Variants in KLRG1 observed in about 807,000 individuals in gnomAD.
The protein encoded by KLRG1 is killer cell lectin-like receptor subfamily G member 1.
Under a neutral mutation model 21.8 loss-of-function variants are expected in KLRG1, and 16 were observed. That is an observed-to-expected ratio of 0.73 (90% confidence interval 0.50 to 1.11). The LOEUF (loss-of-function observed/expected upper bound fraction) is 1.11, where lower values mean the gene tolerates loss of function less well. KLRG1 is among the 50% of genes most tolerant of loss of function. The probability of loss-of-function intolerance (pLI) is 0.00; values close to 1 mark genes in which losing one functional copy is unlikely to be tolerated. For synonymous variants in KLRG1, 69 were observed against 75.9 expected, an observed-to-expected ratio of 0.91 and a Z score of 0.47; for missense variants, 173 against 218.3, an observed-to-expected ratio of 0.79 and a Z score of 1.31.
chr12:9,014,738 A>T (rs1422581152), downstream of KLRG1, among the ~76,000 whole-genome samples: 1 of 152,170 alleles, frequency 6.6e-6, no homozygotes, highest in Non-Finnish European at 1.5e-5. Context: ...GTGGTGCATA[A>T]ACTACTCATA....
At chr12:9,129,773 C>G in the KLRG1 span, among the ~76,000 whole-genome samples, 1 of 152,284 alleles carries the variant, frequency 6.6e-6, no homozygotes, top group African/African-American at 2.4e-5. Flanking sequence ...TGGTCTAGAT[C>G]TCCTGACCTT....
the KLRG1 span, among the ~76,000 whole-genome samples, chr12:9,060,632 AAAAACAAAAAAACG>A: frequency 3.9e-5 from 6 of 152,304 alleles, no homozygotes; most frequent in South Asian, 1.2e-3. Context: ...CTCCATCTCA[AAAAACAAAAAAACG>A]AAAACAAAAA....
chr12:9,174,863 T>C, the KLRG1 span, among the ~76,000 whole-genome samples: 1 of 152,214 alleles, frequency 6.6e-6, no homozygotes, highest in African/African-American at 2.4e-5. Context: ...GAAGAATCAG[T>C]GTAATGACAA....
At chr12:9,111,248 G>T in the KLRG1 span, among the ~76,000 whole-genome samples, 1 of 152,140 alleles carries the variant, frequency 6.6e-6, no homozygotes, top group Non-Finnish European at 1.5e-5. Flanking sequence ...ACGCACAAAA[G>T]AACAATAAAC....
chr12:9,195,744 A>G, the KLRG1 span, among the ~76,000 whole-genome samples: 1 of 150,418 alleles, frequency 6.6e-6, no homozygotes, highest in Admixed American at 6.7e-5. Context: ...ATGAGCCACT[A>G]TGCCTGGCCA....
the KLRG1 span, among the ~76,000 whole-genome samples, chr12:9,120,885 A>AT: frequency 4.0e-3 from 203 of 50,566 alleles, 1 homozygote; most frequent in Non-Finnish European, 7.1e-3. Flanking sequence ...GTGTGTGTGT[A>AT]TTTTTTTTTT....
chr12:9,196,543 A>T, the KLRG1 span: 2 of 1,576,498 alleles, frequency 1.3e-6, no homozygotes, highest in African/African-American at 2.7e-5. Context: ...CTATTGTTTT[A>T]TTTCCCATAT....
the KLRG1 span, chr12:9,203,913 T>A: frequency 6.2e-7 from 1 of 1,614,026 alleles, no homozygotes. Flanking sequence ...CTTAGGGGCC[T>A]CAGTGTGGAG....
the KLRG1 span, among the ~76,000 whole-genome samples, chr12:9,075,152 T>C: frequency 6.6e-6 from 1 of 152,230 alleles, no homozygotes; most frequent in East Asian, 1.9e-4. Context: ...TTTATCAGTT[T>C]CTTGTGAGGA....
chr12:9,114,868 AC>A, the KLRG1 span, among the ~76,000 whole-genome samples: 2 of 152,184 alleles, frequency 1.3e-5, no homozygotes, highest in Non-Finnish European at 2.9e-5. Flanking sequence ...CTTGTATATA[AC>A]TGATCAAAAC....
intron 4 of KLRG1, among the ~76,000 whole-genome samples, 162 bp downstream of exon 4, chr12:9,009,237 C>CAAAAA (rs112576720): frequency 0.022 from 2,379 of 107,750 alleles, 83 homozygotes; most frequent in African/African-American, 0.075. Context: ...TGGGTAAGGG[C>CAAAAA]AAAAAAAAAA....
intron 1 of KLRG1, among the ~76,000 whole-genome samples, chr12:8,953,936 G>A (rs909748722): frequency 1.3e-5 from 2 of 152,204 alleles, no homozygotes; most frequent in African/African-American, 2.4e-5. Context: ...AGGGGAGGGT[G>A]TGTTTCCTAC....
the KLRG1 span, chr12:9,162,635 TC>T: frequency 6.3e-7 from 1 of 1,593,694 alleles, no homozygotes; most frequent in Non-Finnish European, 8.6e-7. Flanking sequence ...CTTTTCTTGC[TC>T]AATACCTTCA....
At chr12:9,031,275 G>C in the KLRG1 span, among the ~76,000 whole-genome samples, 1 of 152,142 alleles carries the variant, frequency 6.6e-6, no homozygotes, top group African/African-American at 2.4e-5. Flanking sequence ...ATAAATTTTA[G>C]GAGAAAAAGC....
the KLRG1 span, among the ~76,000 whole-genome samples, chr12:9,107,943 AC>A: frequency 1.3e-5 from 2 of 151,980 alleles, no homozygotes; most frequent in Non-Finnish European, 2.9e-5. Context: ...TAAAAGAGAA[AC>A]AATACCAGCA....
chr12:8,956,798 G>A (rs931411338), intron 1 of KLRG1, among the ~76,000 whole-genome samples: 1 of 152,186 alleles, frequency 6.6e-6, no homozygotes, highest in African/African-American at 2.4e-5. Flanking sequence ...ACGCCACTGC[G>A]TTCCCTTCGT....
the KLRG1 span, chr12:9,074,493 T>C: frequency 6.9e-7 from 1 of 1,451,142 alleles, no homozygotes; most frequent in Non-Finnish European, 9.4e-7. Context: ...TGGATGTGTT[T>C]GTTTCTTTTT....
At chr12:9,120,855 G>A in the KLRG1 span, among the ~76,000 whole-genome samples, 2,330 of 141,862 alleles carry the variant, frequency 0.016, 59 homozygotes, top group African/African-American at 0.058. Context: ...CCACTAACGT[G>A]TGTGTGTGTG....
the KLRG1 span, chr12:9,201,487 T>C: frequency 1.4e-4 from 89 of 622,838 alleles, no homozygotes; most frequent in Non-Finnish European, 2.3e-4. Context: ...ACTGGAAAAA[T>C]CTCAGGGAAA....
Sources: gnomAD v4.1 joint callset for allele counts (sites outside exome capture counted in the v4.1 genomes callset) on GRCh38, gnomAD v4.1.1 for gene constraint, MANE v1.5 for transcripts, NCBI Gene and HGNC (gene_info 2026-07-23, HGNC 2026-07-21) for gene names.